SRRM4: variants seen among roughly 807,000 people sequenced by gnomAD.
SRRM4 encodes serine/arginine repetitive matrix protein 4.
SRRM4 carries 33 observed loss-of-function variants against 68.9 expected under a neutral mutation model. The observed-to-expected ratio is 0.48, with a 90% CI of 0.36 to 0.64. SRRM4 has a LOEUF of 0.64. Among genes scored for constraint, SRRM4 ranks in the 30% least tolerant of loss-of-function variants. The pLI is 0.00. For synonymous variants in SRRM4, 318 were observed against 318.8 expected, an observed-to-expected ratio of 1.00 and a Z score of 0.03; for missense variants, 817 against 827.1, an observed-to-expected ratio of 0.99 and a Z score of 0.15.
intron 1 of SRRM4, among the ~76,000 whole-genome samples, chr12:119,052,443 AGTTT>A (rs1953748872): frequency 6.6e-6 from 1 of 152,192 alleles, no homozygotes; most frequent in Admixed American, 6.5e-5. Flanking sequence ...TTTATAGCTT[AGTTT>A]AATTCCAACC....
In SRRM4 at chr12:119,156,865, C is replaced by G; in HGVS notation, c.*67C>G. ...CCAGCCTCCCCCAACCACCTGCCCT[C>G]CCCGCCTTCTTGGTGACAAATAGTG... On this transcript the variant is annotated 3_prime_UTR_variant, in exon 13 of 13. Transcript: ENST00000267260. 6.9e-7 allele frequency: 1 copy of G among 1,456,558 alleles called. No individual in the cohort carries two copies. The highest frequency in any genetic ancestry group is 2.5e-5 in the East Asian group (1 of 40,164). 90.2% of individuals were successfully genotyped at this position (1,456,558 alleles called of 1,614,324 possible). A position where few individuals can be genotyped will look rare whatever the true frequency, so the allele number is the denominator to read the frequency against.
intron 1 of SRRM4, among the ~76,000 whole-genome samples, chr12:119,002,457 T>C (rs557115706): frequency 7.2e-4 from 109 of 152,288 alleles, no homozygotes; most frequent in Middle Eastern, 3.4e-3. Flanking sequence ...GATGGATTCA[T>C]TCTCTCCAAA....
intron 1 of SRRM4, among the ~76,000 whole-genome samples, chr12:119,029,399 A>G (rs1033889008): frequency 6.6e-6 from 1 of 152,214 alleles, no homozygotes; most frequent in Non-Finnish European, 1.5e-5. Flanking sequence ...TTGCCAAGAT[A>G]AGAATTTGGA....
At chr12:119,057,471 T>C (rs1953783847) in intron 1 of SRRM4, among the ~76,000 whole-genome samples, 1 of 152,232 alleles carries the variant, frequency 6.6e-6, no homozygotes, top group Non-Finnish European at 1.5e-5. Flanking sequence ...CTGCATTAGT[T>C]TGCTGAGGAT....
chr12:118,993,398 T>C (rs1349428699), intron 1 of SRRM4, among the ~76,000 whole-genome samples: 1 of 152,260 alleles, frequency 6.6e-6, no homozygotes, highest in Non-Finnish European at 1.5e-5. Context: ...ATCTTTTTCC[T>C]GCATGGAGAG....
At chr12:119,087,096 G>C (rs542475798) in intron 1 of SRRM4, among the ~76,000 whole-genome samples, 12 of 152,260 alleles carry the variant, frequency 7.9e-5, no homozygotes, top group South Asian at 4.1e-4. Flanking sequence ...AGATCGTCTG[G>C]GTTCAAATTC....
chr12:119,081,227 T>C (rs1277936608), intron 1 of SRRM4, among the ~76,000 whole-genome samples: 1 of 152,140 alleles, frequency 6.6e-6, no homozygotes, highest in African/African-American at 2.4e-5. Flanking sequence ...GGGTAATAAA[T>C]ACTATAGACA....
intron 6 of SRRM4, among the ~76,000 whole-genome samples, chr12:119,122,520 A>G (rs1954228657): frequency 6.6e-6 from 1 of 152,094 alleles, no homozygotes; most frequent in Non-Finnish European, 1.5e-5. Flanking sequence ...ATTTATACAT[A>G]GTATGTATAT....
intron 1 of SRRM4, among the ~76,000 whole-genome samples, chr12:119,051,246 G>T (rs1953740521): frequency 6.6e-6 from 1 of 152,186 alleles, no homozygotes; most frequent in Non-Finnish European, 1.5e-5. Context: ...CTGAAGCAAT[G>T]TGCATTTACA....
chr12:119,101,944 G>A (rs1954079969), intron 1 of SRRM4, among the ~76,000 whole-genome samples: 1 of 152,104 alleles, frequency 6.6e-6, no homozygotes, highest in Non-Finnish European at 1.5e-5. Context: ...AGTCTGATGT[G>A]GTGAAGGCAT....
At chr12:119,040,250 T>C (rs1191338325) in intron 1 of SRRM4, among the ~76,000 whole-genome samples, 4 of 152,156 alleles carry the variant, frequency 2.6e-5, no homozygotes, top group Non-Finnish European at 4.4e-5. Flanking sequence ...TTTGGTTACA[T>C]GAGTAAGTTC....
chr12:119,085,944 C>A (rs895033312), intron 1 of SRRM4, among the ~76,000 whole-genome samples: 1 of 152,068 alleles, frequency 6.6e-6, no homozygotes. Context: ...GCAGGTAACA[C>A]GTTGACGTTT....
chr12:119,048,555 C>T (rs1953722041), intron 1 of SRRM4, among the ~76,000 whole-genome samples: 1 of 152,072 alleles, frequency 6.6e-6, no homozygotes, highest in South Asian at 2.1e-4. Flanking sequence ...ATCCTGCCAC[C>T]AGCTCCCATT....
chr12:119,022,383 C>T (rs1418324081), intron 1 of SRRM4, among the ~76,000 whole-genome samples: 13 of 152,126 alleles, frequency 8.5e-5, no homozygotes, highest in Admixed American at 6.5e-4. Context: ...GGTTATTACC[C>T]GGTGGGGCCA....
At chr12:119,097,742 G>T (rs1206356788) in intron 1 of SRRM4, among the ~76,000 whole-genome samples, 3 of 152,152 alleles carry the variant, frequency 2.0e-5, no homozygotes, top group Non-Finnish European at 1.5e-5. Flanking sequence ...TGATGGATGA[G>T]GCACTGTCCT....
chr12:119,080,301 T>C (rs1437132682), intron 1 of SRRM4, among the ~76,000 whole-genome samples: 4 of 152,030 alleles, frequency 2.6e-5, no homozygotes, highest in Non-Finnish European at 4.4e-5. Flanking sequence ...AAAAATATTG[T>C]CTTCACAGCA....
chr12:119,055,526 C>T (rs1324885325), intron 1 of SRRM4, among the ~76,000 whole-genome samples: 1 of 152,156 alleles, frequency 6.6e-6, no homozygotes, highest in Non-Finnish European at 1.5e-5. Flanking sequence ...CTTTATTCCT[C>T]CCCGCAAGAC....
intron 1 of SRRM4, among the ~76,000 whole-genome samples, chr12:118,983,008 G>A (rs1183009180): frequency 1.3e-5 from 2 of 152,128 alleles, no homozygotes; most frequent in African/African-American, 4.8e-5. Flanking sequence ...GGTTTAGTAG[G>A]AGAAAAGAAA....
chr12:118,990,245 C>A (rs553671000), intron 1 of SRRM4, among the ~76,000 whole-genome samples: 1 of 152,276 alleles, frequency 6.6e-6, no homozygotes, highest in South Asian at 2.1e-4. Context: ...GGATAAGACA[C>A]TTTGCAGAGG....
Sources: allele counts gnomAD v4.1 joint callset (sites outside exome capture counted in the v4.1 genomes callset), GRCh38; gene constraint gnomAD v4.1.1; transcripts MANE v1.5; gene names NCBI Gene and HGNC (gene_info 2026-07-23, HGNC 2026-07-21).